Variants in CSMD3 observed in about 807,000 individuals in gnomAD.
The protein encoded by CSMD3 is CUB and sushi domain-containing protein 3.
Under a neutral mutation model 435.2 loss-of-function variants are expected in CSMD3, and 177 were observed. That is an observed-to-expected ratio of 0.41 (90% confidence interval 0.36 to 0.46). The LOEUF (loss-of-function observed/expected upper bound fraction) is 0.46, where lower values mean the gene tolerates loss of function less well. Ranked by LOEUF, CSMD3 falls within the 20% of genes least tolerant of loss-of-function variation. The pLI is 0.34. For synonymous variants in CSMD3, 1,656 were observed against 1,520.5 expected, an observed-to-expected ratio of 1.09 and a Z score of -2.07; for missense variants, 4,265 against 4,504.6, an observed-to-expected ratio of 0.95 and a Z score of 1.52.
chr8:112,581,068 T>C (rs929903364), intron 23 of CSMD3, among the ~76,000 whole-genome samples: 2 of 152,140 alleles, frequency 1.3e-5, no homozygotes, highest in Admixed American at 1.3e-4. Context: ...CTGAATATTT[T>C]TGCAGGGGCA....
intron 17 of CSMD3, among the ~76,000 whole-genome samples, chr8:112,662,373 T>C (rs1232798435): frequency 6.6e-6 from 1 of 151,874 alleles, no homozygotes; most frequent in Non-Finnish European, 1.5e-5. Context: ...ATGCCACATA[T>C]CTACAACTAT....
chr8:112,383,522 C>A (rs1453147237), intron 37 of CSMD3, 45 bp downstream of exon 37: 2 of 1,077,934 alleles, frequency 1.9e-6, no homozygotes, highest in Non-Finnish European at 2.9e-6. Context: ...TTTTTATATT[C>A]CTAATTATAT....
chr8:112,916,453 T>C (rs533550443), intron 10 of CSMD3, among the ~76,000 whole-genome samples: 5 of 151,636 alleles, frequency 3.3e-5, no homozygotes, highest in Admixed American at 3.3e-4. Context: ...CTTCACACTA[T>C]GGCTTTTAGA....
At chr8:112,540,118 C>T (rs1162453985) in intron 27 of CSMD3, among the ~76,000 whole-genome samples, 2 of 151,822 alleles carry the variant, frequency 1.3e-5, no homozygotes, top group East Asian at 3.9e-4. Flanking sequence ...TAATAATGAG[C>T]AAATGCTTTG....
At chr8:112,565,552 C>T (rs1828992727) in intron 24 of CSMD3, among the ~76,000 whole-genome samples, 1 of 152,024 alleles carries the variant, frequency 6.6e-6, no homozygotes, top group Non-Finnish European at 1.5e-5. Flanking sequence ...TTTCAAGCAA[C>T]AAAACTGGAA....
At chr8:113,388,106 A>G (rs573560424) in intron 1 of CSMD3, among the ~76,000 whole-genome samples, 32 of 151,812 alleles carry the variant, frequency 2.1e-4, no homozygotes, top group African/African-American at 6.5e-4. Flanking sequence ...TTCCACCAGT[A>G]TTTGATTATC....
intron 13 of CSMD3, among the ~76,000 whole-genome samples, chr8:112,700,351 A>AT (rs1278438366): frequency 6.6e-6 from 1 of 151,690 alleles, no homozygotes; most frequent in Non-Finnish European, 1.5e-5. Context: ...AAATACAAAA[A>AT]TTAGCTGGGC....
At chr8:112,718,536 T>C (rs1374651471) in intron 13 of CSMD3, among the ~76,000 whole-genome samples, 1 of 150,118 alleles carries the variant, frequency 6.7e-6, no homozygotes, top group East Asian at 1.9e-4. Flanking sequence ...TATATATATA[T>C]GCATAAAGGA....
chr8:113,259,635 G>A (rs2093410980), intron 3 of CSMD3, among the ~76,000 whole-genome samples: 5 of 151,912 alleles, frequency 3.3e-5, no homozygotes, highest in Admixed American at 3.3e-4. Flanking sequence ...ATAAAAAGCA[G>A]GAGGACTTAC....
chr8:112,488,580 C>T (rs1820373799), intron 31 of CSMD3, among the ~76,000 whole-genome samples: 1 of 152,186 alleles, frequency 6.6e-6, no homozygotes. Context: ...GTCACAGTTT[C>T]ATCAGAGATT....
chr8:112,360,027 C>T (rs1827032985), intron 38 of CSMD3, among the ~76,000 whole-genome samples: 1 of 152,068 alleles, frequency 6.6e-6, no homozygotes. Context: ...TCAAATTCAT[C>T]TGATTTCATA....
At chr8:112,389,611 C>T (rs1222801507) in intron 36 of CSMD3, among the ~76,000 whole-genome samples, 1 of 152,122 alleles carries the variant, frequency 6.6e-6, no homozygotes, top group East Asian at 1.9e-4. Flanking sequence ...ATTATAAATC[C>T]ATGAAGCTGA....
Position 112,353,499 on chromosome 8 carries a change from A to G in CSMD3, c.6137-965T>C, listed in dbSNP as rs557886836. 7.2e-5 allele frequency among the ~76,000 whole-genome samples: 11 copies of G among 152,334 alleles called. No homozygotes were observed. The South Asian group carries it at 2.3e-3, about 32-fold the overall frequency. On this transcript the variant is annotated intron_variant, in intron 38 of 70. Transcript: ENST00000297405. ...GATAAGGAGATAACAATGTAATTCA[A>G]AACACTTTCATTATTTTTATTAGGT...
intron 22 of CSMD3, among the ~76,000 whole-genome samples, chr8:112,632,132 AT>A (rs1242751674): frequency 6.6e-6 from 1 of 152,010 alleles, no homozygotes; most frequent in East Asian, 1.9e-4. Flanking sequence ...CATATTTTGA[AT>A]TTTTAATACA....
chr8:113,043,639 A>C (rs2131297705), intron 5 of CSMD3, among the ~76,000 whole-genome samples: 1 of 152,274 alleles, frequency 6.6e-6, no homozygotes, highest in East Asian at 1.9e-4. Context: ...TTTCTTTGTA[A>C]CTTAGATTTC....
At chr8:112,745,181 T>G (rs2077398797) in intron 13 of CSMD3, among the ~76,000 whole-genome samples, 1 of 152,094 alleles carries the variant, frequency 6.6e-6, no homozygotes, top group Non-Finnish European at 1.5e-5. Context: ...AGTGTGTACT[T>G]AACACTGTTG....
chr8:113,070,839 A>G (rs2089080136), intron 5 of CSMD3, among the ~76,000 whole-genome samples: 1 of 152,036 alleles, frequency 6.6e-6, no homozygotes, highest in Non-Finnish European at 1.5e-5. Context: ...ATACACTCAG[A>G]TGTGAGATTG....
intron 4 of CSMD3, among the ~76,000 whole-genome samples, chr8:113,169,102 T>A (rs1425358400): frequency 3.9e-5 from 6 of 152,186 alleles, no homozygotes; most frequent in Admixed American, 1.3e-4. Flanking sequence ...TATTACATTT[T>A]GATCCAGAAA....
chr8:112,423,567 A>C (rs997165640), intron 32 of CSMD3, among the ~76,000 whole-genome samples: 3 of 152,102 alleles, frequency 2.0e-5, no homozygotes, highest in African/African-American at 7.2e-5. Flanking sequence ...CACCCATGTC[A>C]GCCTCCCTAG....
Sources: allele counts gnomAD v4.1 joint callset (sites outside exome capture counted in the v4.1 genomes callset), GRCh38; gene constraint gnomAD v4.1.1; transcripts MANE v1.5; gene names NCBI Gene and HGNC (gene_info 2026-07-23, HGNC 2026-07-21).